The following NEK10 variants were observed in gnomAD, a reference collection of about 807,000 sequenced individuals.
NEK10 encodes the protein NIMA related kinase 10.
Under a neutral mutation model 159.8 loss-of-function variants are expected in NEK10, and 122 were observed. The ratio of observed to expected loss-of-function variants is 0.76; its 90% CI spans 0.66 to 0.89. The LOEUF (loss-of-function observed/expected upper bound fraction) is 0.89, where lower values mean the gene tolerates loss of function less well. Ranked by LOEUF, NEK10 falls within the 40% of genes least tolerant of loss-of-function variation. The pLI, the probability that NEK10 is intolerant of heterozygous loss-of-function variation, is 0.00. For missense variants in NEK10, 1,342 were observed against 1,323.1 expected, an observed-to-expected ratio of 1.01 and a Z score of -0.22; for synonymous variants, 466 against 457.1, an observed-to-expected ratio of 1.02 and a Z score of -0.25.
rs181433110 is a variant in NEK10, at chr3:27,226,156, G to A, written c.2091-23599C>T. Among the ~76,000 whole-genome samples the A allele has an allele frequency of 1.3e-3, 200 of 151,272 alleles. 2 individuals carry two copies. In the East Asian group the frequency reaches 0.028, roughly 21 times the overall value. On this transcript the variant is annotated intron_variant, in intron 23 of 35. Transcript: ENST00000691995. The stretch of plus-strand genomic sequence containing the variant: ...ACATCATTCTCCTGCCTCAGCCTCC[G>A]GAGTAGCTAGGACTACAGGCGCCCG...
intron 23 of NEK10, among the ~76,000 whole-genome samples, chr3:27,251,634 C>A (rs796272430): frequency 2.3e-4 from 35 of 152,264 alleles, no homozygotes; most frequent in African/African-American, 8.4e-4. Flanking sequence ...AACCATGAAC[C>A]AGTTAAACCT....
At chr3:27,257,911 C>G (rs1013296093) in intron 22 of NEK10, among the ~76,000 whole-genome samples, 1 of 151,726 alleles carries the variant, frequency 6.6e-6, no homozygotes, top group African/African-American at 2.4e-5. Context: ...GCCTCAGCCT[C>G]CCAAGTCGCT....
chr3:27,162,220 G>A (rs997760463), intron 30 of NEK10: 13 of 554,350 alleles, frequency 2.3e-5, no homozygotes, highest in African/African-American at 1.5e-4. Flanking sequence ...TAACATTCCC[G>A]CCACGGCAGA....
At chr3:27,208,196 G>A (rs895133006) in intron 23 of NEK10, among the ~76,000 whole-genome samples, 4 of 151,830 alleles carry the variant, frequency 2.6e-5, no homozygotes, top group South Asian at 2.1e-4. Context: ...ATGAGGGTGC[G>A]GAAACTTGGA....
chr3:27,150,830 C>T (rs1471028187), intron 30 of NEK10, among the ~76,000 whole-genome samples: 1 of 152,130 alleles, frequency 6.6e-6, no homozygotes, highest in Non-Finnish European at 1.5e-5. Flanking sequence ...TTGAAAACCT[C>T]CCAGAAAGGA....
intron 22 of NEK10, among the ~76,000 whole-genome samples, chr3:27,259,444 G>A (rs143465073): frequency 2.6e-5 from 4 of 151,954 alleles, no homozygotes; most frequent in Non-Finnish European, 5.9e-5. Flanking sequence ...TATGGCTAGC[G>A]AGTTTTCCCA....
At chr3:27,183,214 C>T (rs1039237008) in intron 26 of NEK10, among the ~76,000 whole-genome samples, 1 of 150,730 alleles carries the variant, frequency 6.6e-6, no homozygotes, top group Non-Finnish European at 1.5e-5. Context: ...TTATTATGTA[C>T]TCAAAATAAT....
rs750126523 is a variant in NEK10, at chr3:27,301,697, T to C, written c.1167A>G (p.Ala389=). The C allele has an allele frequency of 8.4e-6, 13 of 1,549,596 alleles. No homozygotes were observed. ...EIQENTFSLQ[A]ACCAALTELV... ...TATCAAATAATAAAACATAAATACC[T>C]GCTTGAAGTGAGAAAGTATTTTCTT... Residue 389 remains alanine (A), a splice_region_variant and synonymous_variant, in exon 13 of 36, where the codon GCA becomes GCG. Transcript: ENST00000691995.
chr3:27,339,463 G>C (rs2047046809), intron 5 of NEK10, among the ~76,000 whole-genome samples: 1 of 152,072 alleles, frequency 6.6e-6, no homozygotes, highest in Non-Finnish European at 1.5e-5. Context: ...CATCATCACT[G>C]GTCATTAGAG....
In NEK10 at chr3:27,245,332, G is replaced by C. The variant is rs146050275; in HGVS notation, c.2090+10964C>G. The stretch of plus-strand genomic sequence containing the variant: ...TACCATGCACCTGCTTCCATCTAGA[G>C]ATAAATGTATTTCACACATTTGGGC... On this transcript the variant is annotated intron_variant, in intron 23 of 35. Coordinates refer to ENST00000691995, the MANE Select transcript of NEK10 (RefSeq NM_001394966.1). Among the ~76,000 whole-genome samples, 765 of 152,254 alleles carry C rather than the reference G, an allele frequency of 5.0e-3. 5 individuals carry two copies. Among genetic ancestry groups the C allele is most frequent in the African/African-American group, 0.018 (733 of 41,548 alleles).
intron 23 of NEK10, among the ~76,000 whole-genome samples, chr3:27,215,243 CTTTA>C (rs1951397414): frequency 6.6e-6 from 1 of 152,188 alleles, no homozygotes; most frequent in African/African-American, 2.4e-5. Flanking sequence ...AAATAAAGCA[CTTTA>C]TTTAGTTCCA....
At chr3:27,113,733 C>A (rs1294895788) in intron 35 of NEK10, among the ~76,000 whole-genome samples, 2 of 151,894 alleles carry the variant, frequency 1.3e-5, no homozygotes, top group Non-Finnish European at 2.9e-5. Context: ...GGTTTAAAAC[C>A]TAATGAAAGT....
chr3:27,315,817 G>C (rs1449571894), intron 6 of NEK10, among the ~76,000 whole-genome samples: 1 of 152,192 alleles, frequency 6.6e-6, no homozygotes, highest in African/African-American at 2.4e-5. Context: ...CGCCAGAATA[G>C]AGACACCTCA....
At chr3:27,310,763 A>C in intron 9 of NEK10, 186 bp downstream of exon 9, 1 of 423,918 alleles carries the variant, frequency 2.4e-6, no homozygotes, top group Non-Finnish European at 4.2e-6. Context: ...TATTTATTAT[A>C]TCTCTATTAA....
At chr3:27,174,902 T>C (rs1276385206) in intron 26 of NEK10, 69 bp from the exon 27 acceptor site, 1 of 1,285,428 alleles carries the variant, frequency 7.8e-7, no homozygotes, top group African/African-American at 1.5e-5. Flanking sequence ...CTAAATCTTG[T>C]TAGAACATAT....
chr3:27,341,997 G>C lies in NEK10; in HGVS notation c.362+2275C>G, dbSNP rs941095313. On this transcript the variant is annotated intron_variant, in intron 5 of 35. Transcript: ENST00000691995. ...AATCTCATGCAGCCTTTAGTTAGTT[G>C]TGTTAATACAAATTGTGTATATTTA... 9.0e-4 allele frequency among the ~76,000 whole-genome samples: 135 copies of C among 150,822 alleles called. 1 individual carries two copies. Among genetic ancestry groups the C allele is most frequent in the African/African-American group, 3.1e-3 (129 of 41,038 alleles).
intron 32 of NEK10, 67 bp from the exon 33 acceptor site, chr3:27,119,935 G>T: frequency 1.7e-6 from 2 of 1,209,450 alleles, no homozygotes; most frequent in Non-Finnish European, 2.5e-6. Context: ...AGACCTCTGT[G>T]TGGGGTTTTT....
chr3:27,276,365 A>G (rs2041772263), intron 22 of NEK10, among the ~76,000 whole-genome samples: 1 of 151,902 alleles, frequency 6.6e-6, no homozygotes, highest in Admixed American at 6.6e-5. Context: ...CCCTGGAGGA[A>G]GCGCATTTGA....
intron 8 of NEK10, 56 bp from the exon 9 acceptor site, chr3:27,311,072 TC>T: frequency 9.1e-7 from 1 of 1,099,600 alleles, no homozygotes; most frequent in Non-Finnish European, 1.4e-6. Context: ...GGGGAGTACT[TC>T]CAGGAGCACA....
Sources: gnomAD v4.1 joint callset for allele counts (sites outside exome capture counted in the v4.1 genomes callset) on GRCh38, gnomAD v4.1.1 for gene constraint, MANE v1.5 for transcripts, NCBI Gene and HGNC (gene_info 2026-07-23, HGNC 2026-07-21) for gene names.